The following HS6ST3 variants were observed in gnomAD, a reference collection of about 807,000 sequenced individuals.
HS6ST3 encodes the protein heparan-sulfate 6-O-sulfotransferase 3.
HS6ST3 carries 12 observed loss-of-function variants against 36.7 expected under a neutral mutation model. The ratio of observed to expected loss-of-function variants is 0.33; its 90% confidence interval spans 0.21 to 0.53. The LOEUF (loss-of-function observed/expected upper bound fraction) is 0.53. Ranked by LOEUF, HS6ST3 falls within the 20% of genes least tolerant of loss-of-function variation. HS6ST3 has a pLI of 0.95. For missense variants in HS6ST3, 584 were observed against 640.9 expected (o/e 0.91, Z 0.96); for synonymous variants, 240 against 257.5 (o/e 0.93, Z 0.65).
At chr13:96,633,072 T>C (rs961332592) in intron 1 of HS6ST3, among the ~76,000 whole-genome samples, 6 of 152,180 alleles carry the variant, frequency 3.9e-5, no homozygotes, top group African/African-American at 9.7e-5. Context: ...ACACTGGAAG[T>C]AGCAGAATTG....
At chr13:96,712,082 G>A (rs551920809) in intron 1 of HS6ST3, among the ~76,000 whole-genome samples, 10 of 152,196 alleles carry the variant, frequency 6.6e-5, no homozygotes, top group African/African-American at 2.4e-4. Flanking sequence ...CTCTAATATG[G>A]TGTATTTGTC....
chr13:96,182,779 CCTT>C (rs1396918157), intron 1 of HS6ST3, among the ~76,000 whole-genome samples: 1 of 152,154 alleles, frequency 6.6e-6, no homozygotes, highest in Non-Finnish European at 1.5e-5. Context: ...CCTGGTCTCA[CCTT>C]CTTATTTCTG....
intron 1 of HS6ST3, among the ~76,000 whole-genome samples, chr13:96,377,401 T>C (rs7324569): frequency 0.4 from 61,237 of 151,892 alleles, 12,920 homozygotes; most frequent in African/African-American, 0.52. Context: ...AAAAGTAAGC[T>C]GAAGCATTGT....
chr13:96,171,871 C>T (rs527715548), intron 1 of HS6ST3, among the ~76,000 whole-genome samples: 2 of 151,334 alleles, frequency 1.3e-5, no homozygotes, highest in South Asian at 2.1e-4. Flanking sequence ...TTGAGCCCTG[C>T]ACAACTTCAC....
chr13:96,485,509 A>C (rs1245190893), intron 1 of HS6ST3, among the ~76,000 whole-genome samples: 1 of 152,146 alleles, frequency 6.6e-6, no homozygotes, highest in Admixed American at 6.5e-5. Context: ...TTCATCATAG[A>C]TAATCATCTG....
chr13:96,608,804 G>A (rs1344827026), intron 1 of HS6ST3, among the ~76,000 whole-genome samples: 1 of 152,118 alleles, frequency 6.6e-6, no homozygotes, highest in Non-Finnish European at 1.5e-5. Context: ...TGATTTTGGT[G>A]AGGGGAACAG....
At chr13:96,146,329 C>T (rs967933002) in intron 1 of HS6ST3, among the ~76,000 whole-genome samples, 1 of 152,004 alleles carries the variant, frequency 6.6e-6, no homozygotes, top group Non-Finnish European at 1.5e-5. Context: ...CTTTTATTTC[C>T]TTGAGCAGTG....
intron 1 of HS6ST3, among the ~76,000 whole-genome samples, chr13:96,673,976 CA>C (rs2056690712): frequency 6.6e-6 from 1 of 151,996 alleles, no homozygotes; most frequent in African/African-American, 2.4e-5. Context: ...GCTTATATTT[CA>C]CGGTGAGGTG....
intron 1 of HS6ST3, among the ~76,000 whole-genome samples, chr13:96,821,051 A>G (rs2138541975): frequency 6.6e-6 from 1 of 152,340 alleles, no homozygotes; most frequent in East Asian, 1.9e-4. Context: ...AATGAATGCA[A>G]CTGCAATAAT....
intron 1 of HS6ST3, among the ~76,000 whole-genome samples, chr13:96,708,653 A>T (rs1594841696): frequency 6.6e-6 from 1 of 152,122 alleles, no homozygotes; most frequent in East Asian, 1.9e-4. Flanking sequence ...CACTCCAGGG[A>T]AATGTGAATC....
At chr13:96,584,913 C>T (rs990727383) in intron 1 of HS6ST3, among the ~76,000 whole-genome samples, 2 of 152,164 alleles carry the variant, frequency 1.3e-5, no homozygotes, top group Non-Finnish European at 2.9e-5. Flanking sequence ...AATACCACCA[C>T]TGGGCACAGA....
intron 1 of HS6ST3, among the ~76,000 whole-genome samples, chr13:96,421,207 C>T (rs2055560496): frequency 6.6e-6 from 1 of 152,054 alleles, no homozygotes; most frequent in Non-Finnish European, 1.5e-5. Flanking sequence ...TGGGCTGTTG[C>T]ACAAAAAGTC....
At chr13:96,204,097 T>C (rs2054356991) in intron 1 of HS6ST3, among the ~76,000 whole-genome samples, 1 of 152,200 alleles carries the variant, frequency 6.6e-6, no homozygotes, top group Non-Finnish European at 1.5e-5. Context: ...TAAGCTTATA[T>C]GTATTAAGCT....
intron 1 of HS6ST3, among the ~76,000 whole-genome samples, chr13:96,205,741 A>G (rs781143154): frequency 6.6e-6 from 1 of 152,194 alleles, no homozygotes; most frequent in Non-Finnish European, 1.5e-5. Context: ...GATTATCCCA[A>G]TAGATTTGAT....
In HS6ST3 at chr13:96,713,705, T is replaced by G. The variant is rs552010145; in HGVS notation, c.708-118785T>G. ...GACATGGTTTTACTAAAGCATTTTT[T>G]TTTCACATAAAGCCTCAAAAGAGAA... On this transcript the variant is annotated intron_variant, in intron 1 of 1. Coordinates refer to ENST00000376705, the MANE Select transcript of HS6ST3 (RefSeq NM_153456.4). 2.4e-3 allele frequency among the ~76,000 whole-genome samples: 367 copies of G among 152,306 alleles called. 3 individuals are homozygous for G. The highest frequency in any genetic ancestry group is 8.3e-3 in the African/African-American group (344 of 41,582).
chr13:96,174,446 C>T (rs1056056236), intron 1 of HS6ST3, among the ~76,000 whole-genome samples: 2 of 152,004 alleles, frequency 1.3e-5, no homozygotes, highest in Non-Finnish European at 2.9e-5. Flanking sequence ...GTCACCCAGG[C>T]TGGCTTTAAA....
chr13:96,601,461 A>T (rs2056421288), intron 1 of HS6ST3, among the ~76,000 whole-genome samples: 1 of 152,146 alleles, frequency 6.6e-6, no homozygotes, highest in African/African-American at 2.4e-5. Context: ...ATAATTTCCC[A>T]AAGTTCTGTT....
chr13:96,489,409 GT>G (rs972378767), intron 1 of HS6ST3, among the ~76,000 whole-genome samples: 1 of 146,356 alleles, frequency 6.8e-6, no homozygotes, highest in Non-Finnish European at 1.5e-5. Flanking sequence ...CACACATATA[GT>G]TTTTTTCTAA....
intron 1 of HS6ST3, among the ~76,000 whole-genome samples, chr13:96,385,204 T>A (rs2055361771): frequency 6.6e-6 from 1 of 151,470 alleles, no homozygotes; most frequent in South Asian, 2.1e-4. Context: ...AAGAAAAGAT[T>A]TTTTTCAAGA....
Sources: gnomAD v4.1 joint callset for allele counts (sites outside exome capture counted in the v4.1 genomes callset) on GRCh38, gnomAD v4.1.1 for gene constraint, MANE v1.5 for transcripts, NCBI Gene and HGNC (gene_info 2026-07-23, HGNC 2026-07-21) for gene names.